PCDHGA1: variants seen among roughly 807,000 people sequenced by gnomAD.
PCDHGA1 encodes the protein protocadherin gamma-A1.
PCDHGA1 carries 32 observed loss-of-function variants against 58.0 expected under a neutral mutation model. The observed-to-expected ratio is 0.55, with a 90% CI of 0.42 to 0.74. The LOEUF is 0.74. Ranked by LOEUF, PCDHGA1 falls within the 30% of genes least tolerant of loss-of-function variation. PCDHGA1 has a pLI of 0.00. For synonymous variants in PCDHGA1, 498 were observed against 501.1 expected, an observed-to-expected ratio of 0.99 and a Z score of 0.08; for missense variants, 1,205 against 1,182.3, an observed-to-expected ratio of 1.02 and a Z score of -0.28.
chr5:141,446,087 A>G (rs2154561251), intron 1 of PCDHGA1, among the ~76,000 whole-genome samples: 1 of 152,370 alleles, frequency 6.6e-6, no homozygotes, highest in Non-Finnish European at 1.5e-5. Flanking sequence ...GTAGAAATAA[A>G]TGGATGAATT....
chr5:141,496,152 C>T (rs771462960), intron 2 of PCDHGA1, among the ~76,000 whole-genome samples: 2 of 152,080 alleles, frequency 1.3e-5, no homozygotes, highest in Non-Finnish European at 1.5e-5. Flanking sequence ...GATCGCAGCT[C>T]TCCACCAGAC....
intron 1 of PCDHGA1, among the ~76,000 whole-genome samples, chr5:141,463,205 A>T (rs2099054933): frequency 6.6e-6 from 1 of 152,080 alleles, no homozygotes; most frequent in Non-Finnish European, 1.5e-5. Context: ...AGACTTGGGG[A>T]TCCATATTAA....
rs1333284815 is a variant in PCDHGA1 at position 141,330,898 on chromosome 5, A to T, written c.214A>T (p.Met72Leu). 1.2e-6 allele frequency: 2 copies of T among 1,614,110 alleles called. No individual in the cohort carries two copies. Among genetic ancestry groups the T allele is most frequent in the Non-Finnish European group, 1.7e-6 (2 of 1,180,046 alleles). ...GGVRIVSRGR[M>L]PLFALNPRSG... ...AGTCCGCATCGTCTCCAGAGGTAGG[A>T]TGCCGCTTTTCGCTCTGAATCCTAG... Residue 72 changes from methionine to leucine, a missense_variant, in exon 1 of 4, where the codon ATG becomes TTG. By Grantham distance (15) the Met-to-Leu change is conservative. Transcript: ENST00000517417.
At chr5:141,436,793 C>T (rs752376420) in intron 1 of PCDHGA1, among the ~76,000 whole-genome samples, 4 of 152,178 alleles carry the variant, frequency 2.6e-5, no homozygotes, top group Non-Finnish European at 5.9e-5. Flanking sequence ...TAAAACTGTT[C>T]TAAAATTTTT....
intron 1 of PCDHGA1, among the ~76,000 whole-genome samples, chr5:141,443,727 A>T: frequency 6.6e-6 from 1 of 152,220 alleles, no homozygotes; most frequent in Non-Finnish European, 1.5e-5. Context: ...AATTCCTCAT[A>T]CATTTCCCTA....
intron 1 of PCDHGA1, chr5:141,374,029 A>T (rs1460112886): frequency 7.0e-7 from 1 of 1,428,780 alleles, no homozygotes; most frequent in Non-Finnish European, 9.2e-7. Flanking sequence ...AGCAAAAGTG[A>T]TGCAGATCTG....
At chr5:141,339,031 G>A (rs1561478928) in intron 1 of PCDHGA1, 1 of 1,596,114 alleles carries the variant, frequency 6.3e-7, no homozygotes, top group Non-Finnish European at 8.6e-7. Flanking sequence ...GCTTCCTTTT[G>A]GCGACCCTGT....
Position 141,487,278 on chromosome 5 carries a change from T to G in PCDHGA1, c.2422-7529T>G. 6 of 1,614,180 alleles carry G rather than the reference T, an allele frequency of 3.7e-6. No individual in the cohort carries two copies. Among genetic ancestry groups the G allele is most frequent in the Non-Finnish European group, 5.1e-6 (6 of 1,180,040 alleles). On this transcript the variant is annotated intron_variant, in intron 1 of 3. Coordinates refer to ENST00000517417, the MANE Select transcript of PCDHGA1 (RefSeq NM_018912.3). The surrounding 1 kb of genome is among the most constrained non-coding windows in gnomAD (Gnocchi z 5.0). Reference sequence around the variant, plus strand: ...GCTGTGTCCCTAGTGGCAATTTGCTTTGTCTCCTTTGGCTCATTCGTGGCA... The same window carrying G: ...GCTGTGTCCCTAGTGGCAATTTGCTGTGTCTCCTTTGGCTCATTCGTGGCA...
chr5:141,494,948 G>C (rs909146), intron 2 of PCDHGA1, 83 bp downstream of exon 2: 1 of 1,608,226 alleles, frequency 6.2e-7, no homozygotes, highest in South Asian at 1.1e-5. Flanking sequence ...GGAGGGCCCA[G>C]CATTTGCTAC....
chr5:141,376,269 G>A, intron 1 of PCDHGA1: 2 of 1,614,224 alleles, frequency 1.2e-6, no homozygotes, highest in South Asian at 1.1e-5. Context: ...CAGGCTTCGG[G>A]AGGTGGCTTA....
At position 141,449,665 on chromosome 5, in the gene PCDHGA1, G is replaced by T. The variant is rs144213743; in HGVS notation, c.2422-45142G>T. 9.3e-5 allele frequency among the ~76,000 whole-genome samples: 14 copies of T among 150,156 alleles called. No individual in the cohort carries two copies. In the East Asian group the frequency reaches 2.7e-3, roughly 29 times the overall value. Reference sequence around the variant, plus strand: ...TATACATATTTACATACACACCCAAGTGTGTATGTATATATGTTTGTGTGT... The same window carrying T: ...TATACATATTTACATACACACCCAATTGTGTATGTATATATGTTTGTGTGT... On this transcript the variant is annotated intron_variant, in intron 1 of 3. Coordinates refer to ENST00000517417, the MANE Select transcript of PCDHGA1 (RefSeq NM_018912.3).
chr5:141,385,283 T>C, intron 1 of PCDHGA1: 1 of 1,613,444 alleles, frequency 6.2e-7, no homozygotes, highest in Non-Finnish European at 8.5e-7. Flanking sequence ...CTAACATCCG[T>C]AGATTTTCAG....
chr5:141,398,189 T>G (rs926901002), intron 1 of PCDHGA1: 3 of 1,482,238 alleles, frequency 2.0e-6, no homozygotes, highest in Middle Eastern at 2.3e-4. Context: ...TTTCTCTTCC[T>G]GCTGTCTTTG....
At chr5:141,505,559 G>A (rs1215110084) in intron 3 of PCDHGA1, 78 bp downstream of exon 3, 27 of 1,604,592 alleles carry the variant, frequency 1.7e-5, no homozygotes, top group Non-Finnish European at 2.0e-5. Flanking sequence ...CCATGCCCAC[G>A]GACTGGATGT....
intron 1 of PCDHGA1, chr5:141,370,713 GA>G (rs1767141333): frequency 6.2e-7 from 1 of 1,613,856 alleles, no homozygotes; most frequent in African/African-American, 1.3e-5. Context: ...TCTGGAATTT[GA>G]AATGGTTGCT....
At chr5:141,354,107 A>G (rs1280239556) in intron 1 of PCDHGA1, among the ~76,000 whole-genome samples, 1 of 152,252 alleles carries the variant, frequency 6.6e-6, no homozygotes, top group African/African-American at 2.4e-5. Flanking sequence ...CTAAAATGAG[A>G]GCTAAAGTAA....
chr5:141,364,913 G>A (rs1337882112), intron 1 of PCDHGA1: 2 of 1,613,990 alleles, frequency 1.2e-6, no homozygotes, highest in South Asian at 2.2e-5. Context: ...TCCGGAGCTG[G>A]TGTTGGAACA....
intron 1 of PCDHGA1, chr5:141,428,064 G>A: frequency 6.2e-7 from 1 of 1,609,060 alleles, no homozygotes; most frequent in East Asian, 2.2e-5. Flanking sequence ...GGCGGTGGAC[G>A]CAGATTCGGG....
intron 1 of PCDHGA1, among the ~76,000 whole-genome samples, chr5:141,347,137 CTCTTTCTTTCTTTCTTTCTT>C (rs70988799): frequency 0.034 from 3,919 of 113,830 alleles, 81 homozygotes; most frequent in Middle Eastern, 0.092. Context: ...CTCTGTTTCT[CTCTTTCTTTCTTTCTTTCTT>C]TCTTTCTTTC....
Sources: allele counts gnomAD v4.1 joint callset (sites outside exome capture counted in the v4.1 genomes callset), GRCh38; gene constraint gnomAD v4.1.1; non-coding constraint Gnocchi (gnomAD v3.1); transcripts MANE v1.5; gene names NCBI Gene and HGNC (gene_info 2026-07-23, HGNC 2026-07-21).